SUPT3H: variants seen among roughly 807,000 people sequenced by gnomAD.
SUPT3H encodes SPT3 homolog, SAGA and STAGA complex component, also known as transcription initiation protein SPT3 homolog.
SUPT3H carries 44 observed loss-of-function variants against 44.3 expected under a neutral mutation model. The observed-to-expected ratio is 0.99, with a 90% CI of 0.78 to 1.28. SUPT3H has a LOEUF of 1.28. Ranked by LOEUF, SUPT3H falls within the 50% of genes most tolerant of loss-of-function variation. The pLI, the probability that SUPT3H is intolerant of heterozygous loss-of-function variation, is 0.00. For missense variants in SUPT3H, 380 were observed against 387.1 expected (o/e 0.98, Z 0.15); for synonymous variants, 124 against 125.6 (o/e 0.99, Z 0.09).
At chr6:44,913,626 TA>T (rs1165966067) in intron 10 of SUPT3H, among the ~76,000 whole-genome samples, 2 of 152,098 alleles carry the variant, frequency 1.3e-5, no homozygotes, top group Non-Finnish European at 2.9e-5. Flanking sequence ...TGACTACACA[TA>T]AAAATGTATA....
intron 11 of SUPT3H, among the ~76,000 whole-genome samples, chr6:44,812,459 C>G (rs1284481515): frequency 6.6e-6 from 1 of 152,186 alleles, no homozygotes; most frequent in African/African-American, 2.4e-5. Flanking sequence ...CTTTTAAGAG[C>G]TCATGTGATT....
At chr6:45,303,069 A>C (rs1348123743) in intron 2 of SUPT3H, among the ~76,000 whole-genome samples, 2 of 152,166 alleles carry the variant, frequency 1.3e-5, no homozygotes, top group Non-Finnish European at 2.9e-5. Flanking sequence ...AAGCCACATA[A>C]AGGAGAGTGA....
At position 45,219,995 on chromosome 6, in the gene SUPT3H, T is replaced by C. The variant is rs376865687; in HGVS notation, c.102-113989A>G. On this transcript the variant is annotated intron_variant, in intron 2 of 10. Transcript: ENST00000371459. ...CAGAGGTTTCAGTGAGCCGAGACCATGCCATTGCACTCCAGCCTGGGTGAC... is the reference window on the plus strand; with the variant it reads ...CAGAGGTTTCAGTGAGCCGAGACCACGCCATTGCACTCCAGCCTGGGTGAC... Among the ~76,000 whole-genome samples, 19 of 121,942 alleles carry C rather than the reference T, an allele frequency of 1.6e-4. No homozygotes were observed. In the East Asian group the frequency reaches 2.3e-3, roughly 15 times the overall value. The allele number at this position is 121,942 out of a possible 152,430, so 80.0% of individuals were successfully genotyped here. A position where few individuals can be genotyped will look rare whatever the true frequency, so the allele number is the denominator to read the frequency against.
At chr6:44,991,372 T>C (rs1780588913) in intron 6 of SUPT3H, among the ~76,000 whole-genome samples, 1 of 152,032 alleles carries the variant, frequency 6.6e-6, no homozygotes, top group Non-Finnish European at 1.5e-5. Flanking sequence ...CTCTAGAAAA[T>C]GGAGAATCAT....
At chr6:45,305,866 C>T (rs1782907040) in intron 2 of SUPT3H, among the ~76,000 whole-genome samples, 1 of 152,194 alleles carries the variant, frequency 6.6e-6, no homozygotes, top group Non-Finnish European at 1.5e-5. Context: ...TAGTGAGCAA[C>T]TTCATATTCC....
At chr6:44,914,580 C>T (rs538656799) in intron 10 of SUPT3H, among the ~76,000 whole-genome samples, 4 of 152,154 alleles carry the variant, frequency 2.6e-5, no homozygotes, top group African/African-American at 4.8e-5. Flanking sequence ...CTTTTGGCTG[C>T]CCTGCAGTTA....
intron 2 of SUPT3H, among the ~76,000 whole-genome samples, chr6:45,149,936 T>C (rs183158016): frequency 6.6e-6 from 1 of 151,084 alleles, no homozygotes; most frequent in East Asian, 1.9e-4. Flanking sequence ...GTTCTAACAC[T>C]GGCTGAATGT....
intron 2 of SUPT3H, among the ~76,000 whole-genome samples, chr6:45,110,511 T>G (rs1799890659): frequency 6.6e-6 from 1 of 151,994 alleles, no homozygotes; most frequent in Admixed American, 6.6e-5. Flanking sequence ...CGTCTAGTCA[T>G]TTTGCTCTCA....
At chr6:45,298,199 T>C (rs185623391) in intron 2 of SUPT3H, among the ~76,000 whole-genome samples, 10 of 152,314 alleles carry the variant, frequency 6.6e-5, no homozygotes, top group Admixed American at 1.3e-4. Flanking sequence ...AAGATTATTA[T>C]AGACCAAAGA....
chr6:45,023,135 G>A (rs1288682145), intron 3 of SUPT3H, among the ~76,000 whole-genome samples: 1 of 151,496 alleles, frequency 6.6e-6, no homozygotes. Context: ...TTCCAAAGAC[G>A]ACATAGATGT....
intron 6 of SUPT3H, among the ~76,000 whole-genome samples, chr6:44,962,360 GTA>G (rs2153478188): frequency 6.6e-6 from 1 of 152,238 alleles, no homozygotes; most frequent in Admixed American, 6.5e-5. Flanking sequence ...GATTCATTTG[GTA>G]TAGTTTCATT....
intron 2 of SUPT3H, among the ~76,000 whole-genome samples, chr6:45,176,049 A>T (rs959047171): frequency 2.0e-5 from 3 of 151,912 alleles, no homozygotes; most frequent in Non-Finnish European, 4.4e-5. Context: ...TTGGTATTTA[A>T]AACTATATCT....
intron 3 of SUPT3H, among the ~76,000 whole-genome samples, chr6:45,031,832 T>C (rs956383253): frequency 6.6e-6 from 1 of 152,146 alleles, no homozygotes; most frequent in Non-Finnish European, 1.5e-5. Context: ...CCAGTGGAAA[T>C]AGCAACCAGC....
intron 2 of SUPT3H, among the ~76,000 whole-genome samples, chr6:45,219,185 CA>C (rs1584325211): frequency 6.6e-6 from 1 of 151,738 alleles, no homozygotes; most frequent in East Asian, 1.9e-4. Context: ...GTTCTTATCT[CA>C]AGAAAGTAGA....
chr6:45,005,700 C>CAAA (rs67476240), intron 5 of SUPT3H, among the ~76,000 whole-genome samples: 1 of 130,968 alleles, frequency 7.6e-6, no homozygotes, highest in Admixed American at 7.8e-5. Context: ...AAACTCGTCT[C>CAAA]AAAAAAAAAA....
At chr6:45,083,256 A>T (rs970009201) in intron 3 of SUPT3H, among the ~76,000 whole-genome samples, 3 of 151,688 alleles carry the variant, frequency 2.0e-5, no homozygotes, top group African/African-American at 7.3e-5. Context: ...CAGTGGCGTT[A>T]TCTCGGCTCA....
chr6:45,077,246 T>C (rs1022917730), intron 3 of SUPT3H, among the ~76,000 whole-genome samples: 1 of 152,154 alleles, frequency 6.6e-6, no homozygotes, highest in South Asian at 2.1e-4. Flanking sequence ...ACAGACCATA[T>C]ACCATACAAA....
rs189205765 is a variant in SUPT3H, at chr6:45,218,495, C to T, written c.102-112489G>A. On this transcript the variant is annotated intron_variant, in intron 2 of 10. Coordinates refer to ENST00000371459, the MANE Select transcript of SUPT3H (RefSeq NM_003599.4). ...CTGTAATCCCAACACTTTGGGAGGC[C>T]GAGGCAGGTGGATCACCTGAAGTCG... 1.7e-3 allele frequency among the ~76,000 whole-genome samples: 260 copies of T among 152,216 alleles called. 2 individuals are homozygous for T. The highest frequency in any genetic ancestry group is 5.8e-3 in the African/African-American group (241 of 41,532).
At chr6:45,272,298 A>C (rs931978068) in intron 2 of SUPT3H, among the ~76,000 whole-genome samples, 1 of 152,106 alleles carries the variant, frequency 6.6e-6, no homozygotes, top group Non-Finnish European at 1.5e-5. Context: ...TTGAATTCCC[A>C]CAGGTTGTGG....
Sources: gnomAD v4.1 joint callset for allele counts (sites outside exome capture counted in the v4.1 genomes callset) on GRCh38, gnomAD v4.1.1 for gene constraint, MANE v1.5 for transcripts, NCBI Gene and HGNC (gene_info 2026-07-23, HGNC 2026-07-21) for gene names.